Variants in ZNF106 observed in about 807,000 individuals in gnomAD.
The protein encoded by ZNF106 is SH3-domain binding protein 3.
ZNF106 carries 67 observed loss-of-function variants against 195.1 expected under a neutral mutation model. That is an observed-to-expected ratio of 0.34 (90% CI 0.28 to 0.42). ZNF106 has a LOEUF of 0.42. Among genes scored for constraint, ZNF106 ranks in the 10% least tolerant of loss-of-function variants. ZNF106 has a pLI of 1.00. For synonymous variants in ZNF106, 784 were observed against 818.6 expected (o/e 0.96, Z 0.72); for missense variants, 2,118 against 2,304.5 (o/e 0.92, Z 1.66).
chr15:42,485,178 T>C (rs1020832901), intron 1 of ZNF106, among the ~76,000 whole-genome samples: 1 of 152,164 alleles, frequency 6.6e-6, no homozygotes, highest in Admixed American at 6.5e-5. Flanking sequence ...AAAAAAATAC[T>C]GTATGTTTAT....
At position 42,417,339 on chromosome 15, in the gene ZNF106, G is replaced by C; in HGVS notation, c.5686C>G (p.Arg1896Gly). Residue 1896 changes from arginine to glycine, a missense_variant, in exon 22 of 22, where the codon CGA becomes GGA. By Grantham distance (125) the Arg-to-Gly change is moderately radical. Coordinates refer to ENST00000564754, the MANE Select transcript of ZNF106 (RefSeq NM_001366845.3). ...ATTTTGCTGTCATCTTCAGCATGTC[G>C]TTCAATATGTCCTGCAGCATCCTAG... is the stretch of plus-strand genomic sequence containing the variant. ...SKQDAAGHIE[R>G]HAEDDSKIDS is the part of the protein sequence containing the mutation. The C allele has an allele frequency of 1.2e-6, 2 of 1,614,008 alleles. No individual in the cohort carries two copies. Among genetic ancestry groups the C allele is most frequent in the Non-Finnish European group, 1.7e-6 (2 of 1,179,982 alleles).
chr15:42,480,623 T>A (rs1182530036), intron 1 of ZNF106, among the ~76,000 whole-genome samples: 1 of 152,218 alleles, frequency 6.6e-6, no homozygotes, highest in Non-Finnish European at 1.5e-5. Flanking sequence ...ATGATTATAT[T>A]TTCCCCCCAG....
At chr15:42,442,013 T>C (rs1428777585) in intron 10 of ZNF106, 60 bp downstream of exon 10, 18 of 1,374,688 alleles carry the variant, frequency 1.3e-5, no homozygotes, top group East Asian at 6.9e-5. Context: ...ATATCACTCA[T>C]ATAAAAATGC....
At chr15:42,423,385 A>G (rs1458113938) in intron 17 of ZNF106, among the ~76,000 whole-genome samples, 1 of 151,464 alleles carries the variant, frequency 6.6e-6, no homozygotes, top group East Asian at 2.0e-4. Context: ...AAAAAAAAGA[A>G]AGAAAGAAAG....
chr15:42,472,604 A>G (rs189855081), intron 1 of ZNF106, among the ~76,000 whole-genome samples: 146 of 152,228 alleles, frequency 9.6e-4, no homozygotes, highest in African/African-American at 3.3e-3. Flanking sequence ...CCCACACGGC[A>G]TTACCCTACT....
Position 42,448,318 on chromosome 15 carries a change from T to C in ZNF106, c.2889A>G (p.Leu963=). Reference sequence around the variant, plus strand: ...TCAAAGGTATTATATGGTCAGAGGATAATTGTGCACTATGTCGCCTTTGGG... The same window carrying C: ...TCAAAGGTATTATATGGTCAGAGGACAATTGTGCACTATGTCGCCTTTGGG... ...VATQRRHSAQ[L]SSDHIIPLMH... Residue 963 remains leucine (L), a synonymous_variant, in exon 6 of 22, where the codon TTA becomes TTG. Transcript: ENST00000564754. 6.2e-7 allele frequency: 1 copy of C among 1,614,208 alleles called. No individual in the cohort carries two copies. The highest frequency in any genetic ancestry group is 8.5e-7 in the Non-Finnish European group (1 of 1,180,036).
At chr15:42,447,967 G>A (rs1299945190) in intron 6 of ZNF106, 105 bp downstream of exon 6, 9 of 1,299,772 alleles carry the variant, frequency 6.9e-6, no homozygotes, top group Non-Finnish European at 9.5e-6. Context: ...GAAGTTGAGA[G>A]AATCACAATC....
rs2055572215 is a variant in ZNF106, at chr15:42,442,328, C to G, written c.3508G>C (p.Asp1170His). 6.2e-7 allele frequency: 1 copy of G among 1,614,006 alleles called. No homozygotes were observed. Among genetic ancestry groups the G allele is most frequent in the Non-Finnish European group, 8.5e-7 (1 of 1,180,030 alleles). ...RRNSRSQTSIDAALLPTPFFP... is the reference protein window; with the variant it reads ...RRNSRSQTSIHAALLPTPFFP... The stretch of plus-strand genomic sequence containing the variant: ...AAGGGAGTGGGCAGCAGTGCGGCAT[C>G]AATGGATGTTTGAGATCTACTGTTC... The change falls in exon 10 of 22, where the codon GAT becomes CAT. Residue 1170 changes from aspartate (D) to histidine (H), a missense_variant. By Grantham distance (81) the Asp-to-His change is moderately conservative. Transcript: ENST00000564754.
At position 42,450,293 on chromosome 15, in the gene ZNF106, T is replaced by A. The variant is rs760279625; in HGVS notation, c.1979A>T (p.Glu660Val). ...GGGATTACATGGGGAAGTGGATAGC[T>A]CTCTAGAAGTCTTCAGGATGCGGTC... Reference protein sequence around the residue: ...EDDRILKTSRELSTSPCNPIV... With the variant: ...EDDRILKTSRVLSTSPCNPIV... The change falls in exon 5 of 22, where the codon GAG (glutamate) becomes GTG (valine). Residue 660 changes from glutamate (E) to valine (V), a missense_variant. Physicochemically the swap from Glu to Val is moderately radical, Grantham distance 121. Transcript: ENST00000564754. 2 of 1,614,154 alleles carry A rather than the reference T, an allele frequency of 1.2e-6. No homozygotes were observed. The highest frequency in any genetic ancestry group is 2.2e-5 in the South Asian group (2 of 91,080).
intron 14 of ZNF106, among the ~76,000 whole-genome samples, chr15:42,428,795 GCT>G (rs1189844972): frequency 6.6e-6 from 1 of 152,076 alleles, no homozygotes; most frequent in Non-Finnish European, 1.5e-5. Flanking sequence ...ACGGAGTCCT[GCT>G]CTGTCGCCCA....
In ZNF106 at chr15:42,439,017, A is replaced by C; in HGVS notation, c.4544+16T>G. ...TGGTGAAAGTTGTTCTGACTGGACC[A>C]ATACAATATTCTTACCTTACAGGGA... On this transcript the variant is annotated intron_variant, in intron 11 of 21. Coordinates refer to ENST00000564754, the MANE Select transcript of ZNF106 (RefSeq NM_001366845.3). The C allele has an allele frequency of 6.3e-7, 1 of 1,594,514 alleles. No homozygotes were observed. Among genetic ancestry groups the C allele is most frequent in the South Asian group, 1.1e-5 (1 of 88,170 alleles).
chr15:42,443,487 TTATAACTTTTTATAATTTTA>T (rs1344246773), intron 9 of ZNF106, among the ~76,000 whole-genome samples: 4 of 151,956 alleles, frequency 2.6e-5, no homozygotes, highest in Non-Finnish European at 5.9e-5. Context: ...TTTTTAATTT[TTATAACTTTTTATAATTTTA>T]TATAACTTTT....
chr15:42,483,506 C>T (rs2056948760), intron 1 of ZNF106, among the ~76,000 whole-genome samples: 1 of 152,162 alleles, frequency 6.6e-6, no homozygotes, highest in African/African-American at 2.4e-5. Context: ...CTCAATTTTA[C>T]GGTGCCTCCA....
At position 42,450,421 on chromosome 15, in the gene ZNF106, T is replaced by C; in HGVS notation, c.1851A>G (p.Thr617=). 1 of 1,614,228 alleles carries C rather than the reference T, an allele frequency of 6.2e-7. No individual in the cohort carries two copies. The highest frequency in any genetic ancestry group is 8.5e-7 in the Non-Finnish European group (1 of 1,180,046). ...HALEDESDGE[T]SDTEKHGTKI... ...TTGTTCCATGCTTTTCCGTGTCAGA[T>C]GTCTCTCCATCACTTTCATCTTCTA... Residue 617 remains threonine, a synonymous_variant, in exon 5 of 22, where the codon ACA becomes ACG. Coordinates refer to ENST00000564754, the MANE Select transcript of ZNF106 (RefSeq NM_001366845.3).
intron 3 of ZNF106, among the ~76,000 whole-genome samples, chr15:42,458,487 A>T (rs2141382135): frequency 6.6e-6 from 1 of 152,158 alleles, no homozygotes; most frequent in African/African-American, 2.4e-5. Context: ...AGGCGGGCAG[A>T]TCATGAGGTC....
chr15:42,422,927 C>T (rs2054722890), intron 17 of ZNF106, among the ~76,000 whole-genome samples: 2 of 152,116 alleles, frequency 1.3e-5, no homozygotes, highest in Non-Finnish European at 2.9e-5. Flanking sequence ...AGTACTTTCA[C>T]TTTTTTCATT....
intron 21 of ZNF106, among the ~76,000 whole-genome samples, 170 bp from the exon 22 acceptor site, chr15:42,417,530 C>G (rs74009089): frequency 9.7e-4 from 147 of 152,308 alleles, no homozygotes; most frequent in African/African-American, 3.5e-3. Flanking sequence ...TAAAGGTGAG[C>G]TGTTGTCTCA....
At position 42,413,903 on chromosome 15, in the gene ZNF106, G is replaced by A. The variant is rs914125946; in HGVS notation, c.*3401C>T. 3 of 152,198 alleles carry A rather than the reference G, an allele frequency of 2.0e-5. No homozygotes were observed. Among genetic ancestry groups the A allele is most frequent in the African/African-American group, 4.8e-5 (2 of 41,442 alleles). The allele number at this position is 152,198 out of a possible 1,614,324, so 9.4% of individuals were successfully genotyped here. A position where few individuals can be genotyped will look rare whatever the true frequency, so the allele number is the denominator to read the frequency against. ...CTTTATAAACTGAGTAGAGACGTATGCCAAAATTATTTTTAACCTAATTAA... is the reference window on the plus strand; with the variant it reads ...CTTTATAAACTGAGTAGAGACGTATACCAAAATTATTTTTAACCTAATTAA... On this transcript the variant is annotated 3_prime_UTR_variant, in exon 22 of 22. Transcript: ENST00000564754.
At chr15:42,457,955 C>G (rs1204572343) in intron 3 of ZNF106, among the ~76,000 whole-genome samples, 1 of 152,110 alleles carries the variant, frequency 6.6e-6, no homozygotes, top group African/African-American at 2.4e-5. Flanking sequence ...TCTCACTTAG[C>G]CAGTCTTCAG....
Sources: gnomAD v4.1 joint callset for allele counts (sites outside exome capture counted in the v4.1 genomes callset) on GRCh38, gnomAD v4.1.1 for gene constraint, MANE v1.5 for transcripts, NCBI Gene and HGNC (gene_info 2026-07-23, HGNC 2026-07-21) for gene names.